Variants in COL17A1 observed in about 807,000 individuals in gnomAD.
COL17A1 encodes the protein collagen type XVII alpha 1 chain, also known as collagen alpha-1(XVII) chain.
COL17A1 carries 181 observed loss-of-function variants against 218.4 expected under a neutral mutation model. The ratio of observed to expected loss-of-function variants is 0.83; its 90% CI spans 0.73 to 0.94. COL17A1 has a LOEUF of 0.94. Ranked by LOEUF, COL17A1 falls within the 40% of genes least tolerant of loss-of-function variation. COL17A1 has a pLI of 0.00. For missense variants in COL17A1, 1,924 were observed against 1,945.9 expected, an observed-to-expected ratio of 0.99 and a Z score of 0.21; for synonymous variants, 721 against 731.0, an observed-to-expected ratio of 0.99 and a Z score of 0.22.
At chr10:104,052,436 T>G (rs1188658331) in intron 23 of COL17A1, among the ~76,000 whole-genome samples, 1 of 152,156 alleles carries the variant, frequency 6.6e-6, no homozygotes, top group Admixed American at 6.5e-5. Flanking sequence ...CTCAATAAAT[T>G]TTATTGTCTG....
At chr10:104,064,836 A>T (rs1375762669) in intron 9 of COL17A1, among the ~76,000 whole-genome samples, 1 of 152,088 alleles carries the variant, frequency 6.6e-6, no homozygotes, top group African/African-American at 2.4e-5. Flanking sequence ...AGGTAGCCAA[A>T]TTTTGCCTTG....
chr10:104,043,915 C>T, intron 33 of COL17A1, 55 bp from the exon 34 acceptor site: 1 of 1,594,668 alleles, frequency 6.3e-7, no homozygotes, highest in South Asian at 1.1e-5. Flanking sequence ...ATTAGTGGCT[C>T]AATAAGCCAT....
Position 104,042,409 on chromosome 10 carries a change from G to T in COL17A1, c.2551+11C>A, listed in dbSNP as rs2086368999. 6.2e-7 allele frequency: 1 copy of T among 1,614,018 alleles called. No individual in the cohort carries two copies. ...GCCCATCGCTTTGCATTCTTGCAGG[G>T]TGTGACATACCTTGATGTCCTGGGA... On this transcript the variant is annotated intron_variant, in intron 36 of 55. Coordinates refer to ENST00000648076, the MANE Select transcript of COL17A1 (RefSeq NM_000494.4).
At chr10:104,042,076 G>C (rs1036583403) in intron 36 of COL17A1, among the ~76,000 whole-genome samples, 1 of 152,188 alleles carries the variant, frequency 6.6e-6, no homozygotes, top group Non-Finnish European at 1.5e-5. Flanking sequence ...CTCCACCTGG[G>C]CTCCTTAAAG....
chr10:104,073,094 A>G (rs1308742330), intron 7 of COL17A1, 116 bp downstream of exon 7: 5 of 950,840 alleles, frequency 5.3e-6, no homozygotes, highest in South Asian at 1.3e-5. Flanking sequence ...AGCAGAAAGC[A>G]TGCCTTATTT....
At chr10:104,034,796 G>A (rs2086259286) in intron 50 of COL17A1, 29 bp from the exon 51 acceptor site, 17 of 1,607,628 alleles carry the variant, frequency 1.1e-5, no homozygotes, top group South Asian at 6.7e-5. Context: ...AAGAAAGGTC[G>A]GGGTAGTGCT....
intron 45 of COL17A1, 109 bp downstream of exon 45, chr10:104,038,297 T>C: frequency 2.1e-6 from 3 of 1,415,368 alleles, no homozygotes; most frequent in Non-Finnish European, 3.0e-6. Context: ...CTGCCCTACA[T>C]CGTCCCATGT....
intron 22 of COL17A1, 138 bp from the exon 23 acceptor site, chr10:104,053,273 C>A (rs1386384588): frequency 1.1e-6 from 1 of 943,428 alleles, no homozygotes; most frequent in Admixed American, 2.0e-5. Flanking sequence ...GACCCCATAG[C>A]CTTGGCTCAA....
At chr10:104,053,867 T>G in intron 22 of COL17A1, 53 bp downstream of exon 22, 1 of 1,057,598 alleles carries the variant, frequency 9.5e-7, no homozygotes. Flanking sequence ...GAATGTTTAT[T>G]AAATGAATGA....
rs140553376 is a variant in COL17A1, at chr10:104,043,826, C to G, written c.2433G>C (p.Ser811=). 5.6e-6 allele frequency: 9 copies of G among 1,614,054 alleles called. No homozygotes were observed. Among genetic ancestry groups the G allele is most frequent in the Non-Finnish European group, 7.6e-6 (9 of 1,180,012 alleles). Residue 811 remains serine (S), a splice_region_variant and synonymous_variant, in exon 34 of 56, where the codon TCG becomes TCC. Coordinates refer to ENST00000648076, the MANE Select transcript of COL17A1 (RefSeq NM_000494.4). ...EPGAPGKIVT[S]EGSSMLTVPG... ...AGGGTCCCTCTAGGACCTGCCTACC[C>G]GAAGTCACGATCTTGCCTGGAGCTC... is the stretch of plus-strand genomic sequence containing the variant.
intron 9 of COL17A1, among the ~76,000 whole-genome samples, chr10:104,069,029 T>C (rs1047853131): frequency 6.6e-6 from 1 of 152,138 alleles, no homozygotes; most frequent in African/African-American, 2.4e-5. Flanking sequence ...TACTAAAAAA[T>C]TATGGGTGTA....
At chr10:104,040,896 G>GT (rs1400505383) in intron 39 of COL17A1, among the ~76,000 whole-genome samples, 169 bp downstream of exon 39, 3 of 152,142 alleles carry the variant, frequency 2.0e-5, no homozygotes, top group African/African-American at 7.2e-5. Context: ...GGTTGACATG[G>GT]TTATTCCCTC....
At chr10:104,049,532 G>A in intron 28 of COL17A1, 61 bp from the exon 29 acceptor site, 1 of 1,559,168 alleles carries the variant, frequency 6.4e-7, no homozygotes, top group Non-Finnish European at 8.8e-7. Flanking sequence ...TTTAACAATG[G>A]TGGTCTGCTC....
chr10:104,043,687 CGCT>C, intron 34 of COL17A1, 106 bp from the exon 35 acceptor site: 1 of 1,508,022 alleles, frequency 6.6e-7, no homozygotes, highest in Non-Finnish European at 9.2e-7. Context: ...TTCTTCTCAT[CGCT>C]GCTAAATTTC....
intron 15 of COL17A1, among the ~76,000 whole-genome samples, chr10:104,058,989 G>T (rs1297999232): frequency 1.3e-5 from 2 of 151,922 alleles, no homozygotes; most frequent in African/African-American, 4.8e-5. Context: ...GGCATGTGTA[G>T]AATTTACTCG....
chr10:104,076,525 G>A (rs2086712250), intron 4 of COL17A1, 96 bp from the exon 5 acceptor site: 2 of 1,573,630 alleles, frequency 1.3e-6, no homozygotes, highest in African/African-American at 1.3e-5. Context: ...GTACACTCAG[G>A]GAGGGTCTTC....
intron 53 of COL17A1, 35 bp downstream of exon 53, chr10:104,033,203 A>AG: frequency 2.5e-6 from 4 of 1,570,270 alleles, no homozygotes; most frequent in Non-Finnish European, 3.5e-6. Flanking sequence ...CTATGCAGTG[A>AG]GGCAGGTGCT....
At chr10:104,074,339 T>C in intron 5 of COL17A1, 108 bp from the exon 6 acceptor site, 1 of 1,492,106 alleles carries the variant, frequency 6.7e-7, no homozygotes, top group Non-Finnish European at 9.3e-7. Flanking sequence ...CAGCCCTCAG[T>C]GTTTCAGGGG....
In COL17A1 at chr10:104,060,251, G is replaced by T. The variant is rs2086570530; in HGVS notation, c.1009C>A (p.Leu337Ile). The T allele has an allele frequency of 6.2e-7, 1 of 1,614,134 alleles. No homozygotes were observed. The highest frequency in any genetic ancestry group is 8.5e-7 in the Non-Finnish European group (1 of 1,180,024). ...ACTTSVQSDDLLHKDCKFLIL... is the reference protein window; with the variant it reads ...ACTTSVQSDDILHKDCKFLIL... ...AGGAACTTGCAGTCCTTGTGCAAAA[G>T]GTCATCGCTCTGCACACTTGTGGTG... The change falls in exon 14 of 56, where the codon CTT (leucine) becomes ATT (isoleucine). Residue 337 changes from leucine to isoleucine, a missense_variant. Transcript: ENST00000648076.
Sources: gnomAD v4.1 joint callset for allele counts (sites outside exome capture counted in the v4.1 genomes callset) on GRCh38, gnomAD v4.1.1 for gene constraint, MANE v1.5 for transcripts, NCBI Gene and HGNC (gene_info 2026-07-23, HGNC 2026-07-21) for gene names.